Variants in NELFB observed in about 807,000 individuals in gnomAD.
The protein encoded by NELFB is negative elongation factor B.
Under a neutral mutation model 60.2 loss-of-function variants are expected in NELFB, and 34 were observed. The ratio of observed to expected loss-of-function variants is 0.56; its 90% CI spans 0.43 to 0.75. The LOEUF is 0.75. NELFB is among the 30% of genes least tolerant of loss of function. The pLI is 0.00. For missense variants in NELFB, 770 were observed against 831.6 expected, an observed-to-expected ratio of 0.93 and a Z score of 0.91; for synonymous variants, 459 against 382.1, an observed-to-expected ratio of 1.20 and a Z score of -2.35.
chr9:137,266,215 C>G (rs1051599133), intron 7 of NELFB, 116 bp from the exon 8 acceptor site: 2 of 909,674 alleles, frequency 2.2e-6, no homozygotes, highest in Admixed American at 2.6e-5. Context: ...TGATCGCAGT[C>G]GTGTGGTCCT....
chr9:137,264,292 C>A lies in NELFB; in HGVS notation c.975C>A (p.Ser325Arg). The change falls in exon 6 of 13, where the codon AGC (serine) becomes AGA (arginine). Residue 325 changes from serine to arginine, a missense_variant. By Grantham distance (110) the Ser-to-Arg change is moderately radical. Coordinates refer to ENST00000343053, the MANE Select transcript of NELFB (RefSeq NM_015456.5). ...GCATCCGAGAGCGGTTCGTGGACAG[C>A]AAGAGGGCGCGGGAGCTGCAGGGGT... 6.2e-7 allele frequency: 1 copy of A among 1,605,290 alleles called. No individual in the cohort carries two copies. Among genetic ancestry groups the A allele is most frequent in the Non-Finnish European group, 8.5e-7 (1 of 1,177,002 alleles).
In NELFB at chr9:137,272,200, T is replaced by C; in HGVS notation, c.1609T>C (p.Phe537Leu). Reference sequence around the variant, plus strand: ...CTTCTGCAGCAGCCTCTTCGATGGCTTCTTCCTCACCGCCTCTCCAAGGTA... The same window carrying C: ...CTTCTGCAGCAGCCTCTTCGATGGCCTCTTCCTCACCGCCTCTCCAAGGTA... The change falls in exon 11 of 13, where the codon TTC becomes CTC. Residue 537 changes from phenylalanine to leucine, a missense_variant. By Grantham distance (22) the Phe-to-Leu change is conservative. Coordinates refer to ENST00000343053, the MANE Select transcript of NELFB (RefSeq NM_015456.5). 1 of 1,614,162 alleles carries C rather than the reference T, an allele frequency of 6.2e-7. No homozygotes were observed. Among genetic ancestry groups the C allele is most frequent in the Non-Finnish European group, 8.5e-7 (1 of 1,180,020 alleles).
chr9:137,263,278 CTCCCTCCT>C, intron 5 of NELFB, 56 bp downstream of exon 5: 1 of 1,515,992 alleles, frequency 6.6e-7, no homozygotes, highest in Non-Finnish European at 8.9e-7. Flanking sequence ...GCTGCCCTCC[CTCCCTCCT>C]TCCCTCCCAC....
At position 137,272,774 on chromosome 9, in the gene NELFB, C is replaced by T. The variant is rs761271333; in HGVS notation, c.1741-8C>T. ...GCCTCGCCTGCCCCATGGTGTGGTT[C>T]CCCGCAGAGCGGAGAGGCAGTGAAG... On this transcript the variant is annotated splice_region_variant and splice_polypyrimidine_tract_variant and intron_variant, in intron 12 of 12. Coordinates refer to ENST00000343053, the MANE Select transcript of NELFB (RefSeq NM_015456.5). 1.0e-4 allele frequency: 158 copies of T among 1,541,452 alleles called. No homozygotes were observed. Among genetic ancestry groups the T allele is most frequent in the Non-Finnish European group, 1.3e-4 (145 of 1,141,392 alleles).
In NELFB at chr9:137,272,205, C is replaced by G. The variant is rs1384010138; in HGVS notation, c.1614C>G (p.Phe538Leu). ...GCAGCAGCCTCTTCGATGGCTTCTT[C>G]CTCACCGCCTCTCCAAGGTAGGCCT... Residue 538 changes from phenylalanine (F) to leucine (L), a missense_variant, in exon 11 of 13, where the codon TTC (phenylalanine) becomes TTG (leucine). Coordinates refer to ENST00000343053, the MANE Select transcript of NELFB (RefSeq NM_015456.5). The G allele has an allele frequency of 6.2e-7, 1 of 1,614,110 alleles. No homozygotes were observed. Among genetic ancestry groups the G allele is most frequent in the Admixed American group, 1.7e-5 (1 of 60,028 alleles).
At chr9:137,272,247 C>T (rs374642572) in intron 11 of NELFB, 25 bp downstream of exon 11, 20 of 1,611,698 alleles carry the variant, frequency 1.2e-5, no homozygotes, top group African/African-American at 1.1e-4. Context: ...TACCATCCGG[C>T]CCGCTCTGTC....
At chr9:137,261,191 T>C (rs928679691) in intron 4 of NELFB, among the ~76,000 whole-genome samples, 1 of 147,200 alleles carries the variant, frequency 6.8e-6, no homozygotes, top group African/African-American at 2.5e-5. Flanking sequence ...ATACAAAAAA[T>C]TAGCTGGGCG....
At chr9:137,260,835 T>G (rs1334391935) in intron 4 of NELFB, among the ~76,000 whole-genome samples, 1 of 150,626 alleles carries the variant, frequency 6.6e-6, no homozygotes, top group Non-Finnish European at 1.5e-5. Context: ...CAGAGGTGGG[T>G]GGATCACGAG....
intron 7 of NELFB, 119 bp downstream of exon 7, chr9:137,266,098 C>T (rs141328499): frequency 1.1e-5 from 9 of 854,280 alleles, no homozygotes; most frequent in African/African-American, 8.3e-5. Context: ...GCCCTGTGGC[C>T]GCCCTGCTGG....
chr9:137,260,066 T>C (rs1262301599), intron 4 of NELFB, among the ~76,000 whole-genome samples: 1 of 147,946 alleles, frequency 6.8e-6, no homozygotes, highest in Non-Finnish European at 1.5e-5. Flanking sequence ...TATTTTATTT[T>C]TGAGACAGAA....
intron 4 of NELFB, among the ~76,000 whole-genome samples, chr9:137,260,098 G>A (rs1490531599): frequency 2.0e-5 from 3 of 148,858 alleles, no homozygotes; most frequent in Non-Finnish European, 4.4e-5. Context: ...TGCCCAGGCT[G>A]GAGTGCAGTG....
At chr9:137,265,277 C>G (rs1830504183) in intron 6 of NELFB, among the ~76,000 whole-genome samples, 1 of 151,594 alleles carries the variant, frequency 6.6e-6, no homozygotes, top group South Asian at 2.1e-4. Context: ...TCCCAAAGTG[C>G]TGGGATGACA....
At chr9:137,258,923 G>T (rs1837601160) in intron 4 of NELFB, among the ~76,000 whole-genome samples, 1 of 152,180 alleles carries the variant, frequency 6.6e-6, no homozygotes, top group East Asian at 1.9e-4. Flanking sequence ...GAAAGATTGG[G>T]CTGGGTACGG....
chr9:137,262,682 A>AC (rs1830464562), intron 4 of NELFB, among the ~76,000 whole-genome samples: 1 of 152,132 alleles, frequency 6.6e-6, no homozygotes, highest in Non-Finnish European at 1.5e-5. Flanking sequence ...CTTGCTGCCC[A>AC]CAGTTGGGTG....
chr9:137,259,464 C>T (rs1038860558), intron 4 of NELFB, among the ~76,000 whole-genome samples: 8 of 152,034 alleles, frequency 5.3e-5, no homozygotes, highest in Non-Finnish European at 7.4e-5. Context: ...TTTTCTTGTT[C>T]CATTGCTGTC....
rs781342666 is a variant in NELFB at position 137,269,792 on chromosome 9, C to T, written c.1490-2289C>T. Among the ~76,000 whole-genome samples the T allele has an allele frequency of 2.0e-5, 3 of 152,172 alleles. No homozygotes were observed. Among genetic ancestry groups the T allele is most frequent in the African/African-American group, 4.8e-5 (2 of 41,432 alleles). ...CTTCCGTGCGCTTCTGTTTCTTTCTCTCATTTGATTGTGGCTAGAAACAGG... is the reference window on the plus strand; with the variant it reads ...CTTCCGTGCGCTTCTGTTTCTTTCTTTCATTTGATTGTGGCTAGAAACAGG... On this transcript the variant is annotated intron_variant, in intron 10 of 12. Coordinates refer to ENST00000343053, the MANE Select transcript of NELFB (RefSeq NM_015456.5). The surrounding 1 kb of genome is among the most constrained non-coding windows in gnomAD (Gnocchi z 5.3).
At chr9:137,257,808 CTTTTTTT>C (rs869029312) in intron 4 of NELFB, among the ~76,000 whole-genome samples, 2 of 16,428 alleles carry the variant, frequency 1.2e-4, no homozygotes, top group Admixed American at 1.2e-3. Flanking sequence ...GGCTTTTTTT[CTTTTTTT>C]TTCTTTTTTA....
chr9:137,266,836 T>C, intron 8 of NELFB, 108 bp from the exon 9 acceptor site: 1 of 1,292,534 alleles, frequency 7.7e-7, no homozygotes, highest in Non-Finnish European at 1.0e-6. Context: ...GGAGGGTCGG[T>C]GAGGTATCTG....
At chr9:137,267,445 C>T in intron 10 of NELFB, 99 bp downstream of exon 10, 1 of 953,898 alleles carries the variant, frequency 1.0e-6, no homozygotes, top group Non-Finnish European at 1.6e-6. Flanking sequence ...CAGGAGCTGC[C>T]TTGTCTCCCC....
Sources: allele counts gnomAD v4.1 joint callset (sites outside exome capture counted in the v4.1 genomes callset), GRCh38; gene constraint gnomAD v4.1.1; non-coding constraint Gnocchi (gnomAD v3.1); transcripts MANE v1.5; gene names NCBI Gene and HGNC (gene_info 2026-07-23, HGNC 2026-07-21).